Variants in CHD9 observed in about 807,000 individuals in gnomAD.
CHD9 encodes the protein ATP-dependent chromatin remodeler CHD9.
Under a neutral mutation model 316.1 loss-of-function variants are expected in CHD9, and 77 were observed. The ratio of observed to expected loss-of-function variants is 0.24; its 90% CI spans 0.20 to 0.29. CHD9 has a LOEUF of 0.29. Among genes scored for constraint, CHD9 ranks in the 10% least tolerant of loss-of-function variants. The probability of loss-of-function intolerance (pLI) is 1.00; values close to 1 mark genes in which losing one functional copy is unlikely to be tolerated. For missense variants in CHD9, 2,763 were observed against 3,438.1 expected, an observed-to-expected ratio of 0.80 and a Z score of 4.91; for synonymous variants, 1,129 against 1,158.3, an observed-to-expected ratio of 0.97 and a Z score of 0.51.
intron 2 of CHD9, among the ~76,000 whole-genome samples, chr16:53,199,063 T>A (rs2045215160): frequency 6.6e-6 from 1 of 152,062 alleles, no homozygotes; most frequent in African/African-American, 2.4e-5. Context: ...TTAGCCAAAC[T>A]GCAAAGTTAG....
chr16:53,186,090 C>T (rs906626033), intron 2 of CHD9, among the ~76,000 whole-genome samples: 2 of 152,146 alleles, frequency 1.3e-5, no homozygotes, highest in Non-Finnish European at 2.9e-5. Flanking sequence ...CCTCCAGACC[C>T]CAAAATGATA....
At chr16:53,101,622 A>G (rs557452573) in intron 1 of CHD9, among the ~76,000 whole-genome samples, 11 of 152,334 alleles carry the variant, frequency 7.2e-5, no homozygotes, top group African/African-American at 2.4e-4. Context: ...TTAGGCAACT[A>G]TAGGAGCAAA....
intron 17 of CHD9, among the ~76,000 whole-genome samples, chr16:53,251,087 C>G (rs1463355316): frequency 2.0e-5 from 3 of 152,188 alleles, no homozygotes; most frequent in Non-Finnish European, 1.5e-5. Flanking sequence ...ACCACCAACT[C>G]TTTCTGTGGA....
intron 1 of CHD9, among the ~76,000 whole-genome samples, chr16:53,101,332 C>T (rs1041463822): frequency 8.0e-5 from 11 of 137,476 alleles, no homozygotes; most frequent in African/African-American, 2.2e-4. Flanking sequence ...TGGAGTGCAT[C>T]GGTGCAATCA....
intron 36 of CHD9, 101 bp downstream of exon 36, chr16:53,315,145 C>A (rs1272469776): frequency 3.8e-6 from 3 of 795,652 alleles, no homozygotes; most frequent in South Asian, 1.8e-5. Flanking sequence ...TAAATATGTG[C>A]TCTGCCTAAG....
At chr16:53,301,436 C>G (rs754498388) in intron 30 of CHD9, among the ~76,000 whole-genome samples, 6 of 152,174 alleles carry the variant, frequency 3.9e-5, no homozygotes, top group Non-Finnish European at 8.8e-5. Context: ...ATAATTAGGT[C>G]TGACAACTCA....
chr16:53,071,702 G>C (rs7203997), intron 1 of CHD9, among the ~76,000 whole-genome samples: 3,327 of 152,258 alleles, frequency 0.022, 128 homozygotes, highest in African/African-American at 0.076. Flanking sequence ...AGAAGAAAGA[G>C]AGCCATCAGC....
intron 1 of CHD9, among the ~76,000 whole-genome samples, chr16:53,110,991 C>T (rs1168810803): frequency 1.3e-5 from 2 of 152,066 alleles, no homozygotes; most frequent in African/African-American, 2.4e-5. Flanking sequence ...TGACCTTTTC[C>T]AAGTTGACCC....
At chr16:53,094,296 C>G (rs189831961) in intron 1 of CHD9, among the ~76,000 whole-genome samples, 50 of 152,288 alleles carry the variant, frequency 3.3e-4, no homozygotes, top group Non-Finnish European at 3.8e-4. Flanking sequence ...CTGATCCTGT[C>G]TGAGAACACA....
chr16:53,308,175 A>G (rs556925602), intron 33 of CHD9, among the ~76,000 whole-genome samples: 6 of 152,306 alleles, frequency 3.9e-5, no homozygotes, highest in Admixed American at 3.3e-4. Flanking sequence ...AAATAGTTCT[A>G]ATCAAAATGC....
intron 31 of CHD9, 21 bp downstream of exon 31, chr16:53,304,646 C>G (rs1482368464): frequency 7.0e-7 from 1 of 1,430,592 alleles, no homozygotes; most frequent in South Asian, 1.4e-5. Flanking sequence ...TAAAATAATT[C>G]TACTTTTTTA....
At chr16:53,279,053 T>C (rs554601132) in intron 24 of CHD9, among the ~76,000 whole-genome samples, 4 of 152,298 alleles carry the variant, frequency 2.6e-5, no homozygotes, top group African/African-American at 4.8e-5. Context: ...TAAAGACACA[T>C]GCACACGTAC....
chr16:53,057,274 G>GTT (rs2032257288), intron 1 of CHD9, among the ~76,000 whole-genome samples: 1 of 151,872 alleles, frequency 6.6e-6, no homozygotes, highest in African/African-American at 2.4e-5. Context: ...GAATTTAGGA[G>GTT]TTTGACACCA....
chr16:53,263,920 T>C (rs1357244478), intron 20 of CHD9, among the ~76,000 whole-genome samples: 3 of 152,100 alleles, frequency 2.0e-5, no homozygotes, highest in Middle Eastern at 6.8e-3. Flanking sequence ...TAAAAGTTCG[T>C]AAGTGAGTTT....
intron 1 of CHD9, among the ~76,000 whole-genome samples, chr16:53,088,909 C>T (rs1280319975): frequency 1.3e-5 from 2 of 151,216 alleles, no homozygotes; most frequent in African/African-American, 4.9e-5. Flanking sequence ...GTCAGGAGTT[C>T]GATACCAGCC....
At chr16:53,129,880 C>T (rs1463442546) in intron 1 of CHD9, among the ~76,000 whole-genome samples, 3 of 152,152 alleles carry the variant, frequency 2.0e-5, no homozygotes, top group African/African-American at 7.2e-5. Context: ...CAGCCTCTTC[C>T]TTTTACAGAA....
At position 53,074,652 on chromosome 16, in the gene CHD9, G is replaced by C. The variant is rs192822871; in HGVS notation, c.-165+19575G>C. Among the ~76,000 whole-genome samples the C allele has an allele frequency of 2.8e-4, 43 of 152,350 alleles. 1 individual carries two copies. In the East Asian group the frequency reaches 8.1e-3, roughly 29 times the overall value. On this transcript the variant is annotated intron_variant, in intron 1 of 38. Coordinates refer to ENST00000447540, the MANE Select transcript of CHD9 (RefSeq NM_001308319.2). ...GTAGAGCTTGGGCCATGGCTTCGGA[G>C]GGTGCAAGCACCAAGCCTTGGCAGC...
chr16:53,208,472 CTTG>C, intron 2 of CHD9: 2 of 1,161,088 alleles, frequency 1.7e-6, no homozygotes, highest in Non-Finnish European at 2.2e-6. Flanking sequence ...CCATCTTGAG[CTTG>C]TTGCTGTTTC....
intron 30 of CHD9, among the ~76,000 whole-genome samples, 186 bp downstream of exon 30, chr16:53,297,344 C>T (rs908369892): frequency 7.9e-5 from 12 of 151,904 alleles, no homozygotes; most frequent in African/African-American, 7.3e-5. Context: ...GCTATTAAAA[C>T]GAGATCTAAA....
Sources: allele counts gnomAD v4.1 joint callset (sites outside exome capture counted in the v4.1 genomes callset), GRCh38; gene constraint gnomAD v4.1.1; transcripts MANE v1.5; gene names NCBI Gene and HGNC (gene_info 2026-07-23, HGNC 2026-07-21).